The following RELL1 variants were observed in gnomAD, a reference collection of about 807,000 sequenced individuals.
RELL1 encodes RELT like 1, also known as RELT-like protein 1.
A neutral mutation model predicts 23.0 loss-of-function variants in RELL1; 10 were observed. The observed-to-expected ratio is 0.43, with a 90% CI of 0.27 to 0.74. The LOEUF (loss-of-function observed/expected upper bound fraction) is 0.74. Ranked by LOEUF, RELL1 falls within the 30% of genes least tolerant of loss-of-function variation. The pLI is 0.19. For synonymous variants in RELL1, 146 were observed against 146.8 expected (o/e 0.99, Z 0.04); for missense variants, 315 against 364.4 (o/e 0.86, Z 1.10).
chr4:37,678,200 C>T (rs1243159160), intron 1 of RELL1, among the ~76,000 whole-genome samples: 1 of 152,054 alleles, frequency 6.6e-6, no homozygotes, highest in Admixed American at 6.6e-5. Context: ...TTTAAACAAA[C>T]AGATCTCTTG....
At chr4:37,667,221 G>GA (rs1287728268) in intron 1 of RELL1, among the ~76,000 whole-genome samples, 1 of 151,800 alleles carries the variant, frequency 6.6e-6, no homozygotes, top group Admixed American at 6.6e-5. Flanking sequence ...GAGACACACA[G>GA]AAAAAAATAC....
intron 5 of RELL1, 114 bp from the exon 6 acceptor site, chr4:37,631,637 G>A: frequency 8.6e-7 from 1 of 1,159,840 alleles, no homozygotes; most frequent in Non-Finnish European, 1.2e-6. Context: ...CCAAAAGTTA[G>A]GACACAAATG....
At chr4:37,684,427 C>G (rs139534880) in intron 1 of RELL1, among the ~76,000 whole-genome samples, 109 of 152,020 alleles carry the variant, frequency 7.2e-4, no homozygotes, top group African/African-American at 2.4e-3. Flanking sequence ...CTGGGTGTTG[C>G]TCAGAGGTCA....
At chr4:37,617,031 A>G (rs1719598723) in intron 6 of RELL1, among the ~76,000 whole-genome samples, 1 of 152,246 alleles carries the variant, frequency 6.6e-6, no homozygotes, top group African/African-American at 2.4e-5. Context: ...ATTAACACGG[A>G]TACCTTCTTA....
rs1456680378 is a variant in RELL1 at position 37,616,707 on chromosome 4, C to T, written c.*4-3365G>A. On this transcript the variant is annotated intron_variant, in intron 6 of 6. Coordinates refer to ENST00000454158, the MANE Select transcript of RELL1 (RefSeq NM_001085400.2). ...TAAATAGAGAACGTTGTTTATAGAG[C>T]TACATGACAGCAATATTAACACTGA... Among the ~76,000 whole-genome samples the T allele has an allele frequency of 2.0e-5, 3 of 152,204 alleles. No individual in the cohort carries two copies. In the East Asian group the frequency reaches 5.8e-4, roughly 29 times the overall value.
At chr4:37,670,442 G>A (rs1441924597) in intron 1 of RELL1, among the ~76,000 whole-genome samples, 6 of 152,078 alleles carry the variant, frequency 3.9e-5, no homozygotes, top group African/African-American at 1.4e-4. Flanking sequence ...AATCTTTGGT[G>A]AAAACCACAG....
chr4:37,643,785 G>C (rs1026942434), intron 3 of RELL1, among the ~76,000 whole-genome samples: 1 of 152,170 alleles, frequency 6.6e-6, no homozygotes, highest in African/African-American at 2.4e-5. Context: ...AACATGCTAG[G>C]TTATAAACTG....
At chr4:37,607,024 C>G (rs1036185912), downstream of RELL1, among the ~76,000 whole-genome samples, 1 of 152,188 alleles carries the variant, frequency 6.6e-6, no homozygotes, top group Admixed American at 6.5e-5. Flanking sequence ...GGTGTCCCTT[C>G]CCTTATGCAA....
At chr4:37,635,504 G>A (rs1343923159) in intron 4 of RELL1, among the ~76,000 whole-genome samples, 1 of 152,140 alleles carries the variant, frequency 6.6e-6, no homozygotes, top group Non-Finnish European at 1.5e-5. Flanking sequence ...GTGCGTGCCT[G>A]TAGTCCCAGC....
At chr4:37,680,787 C>T (rs758883410) in intron 1 of RELL1, among the ~76,000 whole-genome samples, 59 of 152,032 alleles carry the variant, frequency 3.9e-4, no homozygotes, top group Non-Finnish European at 6.8e-4. Flanking sequence ...ACAAAATTAG[C>T]CAAGCATGGT....
chr4:37,686,300 T>C lies in RELL1; in HGVS notation c.-13A>G. On this transcript the variant is annotated 5_prime_UTR_variant, in exon 1 of 7. Coordinates refer to ENST00000454158, the MANE Select transcript of RELL1 (RefSeq NM_001085400.2). ...CCCGCGGAGCCATCGCCGCGTCGCT[T>C]CGCCCTCCTCCCCCAGGGCGCCGCG... The C allele has an allele frequency of 6.7e-7, 1 of 1,499,532 alleles. No individual in the cohort carries two copies. The highest frequency in any genetic ancestry group is 8.8e-7 in the Non-Finnish European group (1 of 1,130,004). 92.9% of individuals were successfully genotyped at this position (1,499,532 alleles called of 1,614,324 possible).
chr4:37,682,602 G>A (rs1722260703), intron 1 of RELL1, among the ~76,000 whole-genome samples: 1 of 152,122 alleles, frequency 6.6e-6, no homozygotes, highest in African/African-American at 2.4e-5. Flanking sequence ...GTAGGGGCAG[G>A]GAATTGACAG....
chr4:37,623,479 A>C (rs1172391763), intron 6 of RELL1: 1 of 152,696 alleles, frequency 6.5e-6, no homozygotes, highest in Non-Finnish European at 1.5e-5. Context: ...GCCCTGAGAT[A>C]TGGGGAACAT....
At chr4:37,647,975 G>A (rs1404184638) in intron 2 of RELL1, among the ~76,000 whole-genome samples, 1 of 152,116 alleles carries the variant, frequency 6.6e-6, no homozygotes, top group Non-Finnish European at 1.5e-5. Flanking sequence ...TGGGGACTCT[G>A]TACCAGGAGC....
Position 37,604,848 on chromosome 4 carries a change from C to CAT in RELL1, c.*4-13632_*4-13631insAT, listed in dbSNP as rs1560323791. ...ACACACACATACACACAGACACACA[C>CAT]ACAGACACACACACACAGACACACA... On this transcript the variant is annotated intron_variant, in intron 6 of 6. Transcript: ENST00000314117. 8.5e-3 allele frequency among the ~76,000 whole-genome samples: 770 copies of CAT among 90,548 alleles called. 10 individuals are homozygous for CAT. Among genetic ancestry groups the CAT allele is most frequent in the African/African-American group, 0.025 (595 of 23,444 alleles). The allele number at this position is 90,548 out of a possible 152,430, so 59.4% of individuals were successfully genotyped here.
At chr4:37,664,969 T>C (rs964820898) in intron 1 of RELL1, among the ~76,000 whole-genome samples, 7 of 152,146 alleles carry the variant, frequency 4.6e-5, no homozygotes, top group African/African-American at 1.7e-4. Flanking sequence ...CAAACACCTC[T>C]TTCCCTAAGT....
At chr4:37,648,824 C>T (rs555341800) in intron 2 of RELL1, among the ~76,000 whole-genome samples, 4 of 152,176 alleles carry the variant, frequency 2.6e-5, no homozygotes, top group Non-Finnish European at 4.4e-5. Context: ...CACTCTTATT[C>T]GAATCTGATT....
intron 6 of RELL1, among the ~76,000 whole-genome samples, chr4:37,613,945 AGACTGGCATAACCCAGGACAG>A (rs1490358255): frequency 6.6e-6 from 1 of 152,218 alleles, no homozygotes; most frequent in Non-Finnish European, 1.5e-5. Context: ...CCTGTTTTAC[AGACTGGCATAACCCAGGACAG>A]GACTAAAATT....
exon 7 of RELL1, chr4:37,590,939 CG>C: frequency 6.2e-7 from 1 of 1,614,064 alleles, no homozygotes; most frequent in South Asian, 1.1e-5. Flanking sequence ...GCAGCGGTGG[CG>C]GAGGCCCTTG....
Sources: gnomAD v4.1 joint callset for allele counts (sites outside exome capture counted in the v4.1 genomes callset) on GRCh38, gnomAD v4.1.1 for gene constraint, MANE v1.5 for transcripts, NCBI Gene and HGNC (gene_info 2026-07-23, HGNC 2026-07-21) for gene names.